Variants in CYYR1 observed in about 807,000 individuals in gnomAD.
CYYR1 encodes cysteine and tyrosine-rich protein 1.
CYYR1 carries 14 observed loss-of-function variants against 15.2 expected under a neutral mutation model. The ratio of observed to expected loss-of-function variants is 0.92; its 90% CI spans 0.61 to 1.44. The LOEUF (loss-of-function observed/expected upper bound fraction) is 1.44. CYYR1 is among the 40% of genes most tolerant of loss of function. The probability of loss-of-function intolerance (pLI) is 0.00; values close to 1 mark genes in which losing one functional copy is unlikely to be tolerated. For synonymous variants in CYYR1, 80 were observed against 77.4 expected (o/e 1.03, Z -0.18); for missense variants, 228 against 209.5 (o/e 1.09, Z -0.54).
rs2064988955 is a variant in CYYR1 at position 26,467,967 on chromosome 21, C to G, written c.*534G>C. On this transcript the variant is annotated 3_prime_UTR_variant, in exon 4 of 4. Transcript: ENST00000652641. ...GTCATTGCTCTTTCTTGTACTAAAA[C>G]CAGAGTACCCGTCCTGTAACTTCCA... The G allele has an allele frequency of 6.1e-6, 1 of 163,198 alleles. No individual in the cohort carries two copies. Among genetic ancestry groups the G allele is most frequent in the Non-Finnish European group, 1.4e-5 (1 of 73,776 alleles). The allele number at this position is 163,198 out of a possible 1,614,324, so 10.1% of individuals were successfully genotyped here.
chr21:26,524,383 T>C (rs1320311413), intron 2 of CYYR1, among the ~76,000 whole-genome samples: 1 of 152,234 alleles, frequency 6.6e-6, no homozygotes, highest in Non-Finnish European at 1.5e-5. Flanking sequence ...TTGGATTAAA[T>C]TGCTTACATT....
chr21:26,572,857 C>T lies in CYYR1; in HGVS notation c.73+11G>A. 6.2e-7 allele frequency: 1 copy of T among 1,613,522 alleles called. No homozygotes were observed. The highest frequency in any genetic ancestry group is 8.5e-7 in the Non-Finnish European group (1 of 1,179,806). On this transcript the variant is annotated intron_variant, in intron 1 of 3. Coordinates refer to ENST00000652641, the MANE Select transcript of CYYR1 (RefSeq NM_001320768.2). ...AGCCTCTGACCCTCTCCGCCGCCCT[C>T]CGTCACTGACCTGCGTAGACAAAGA...
intron 2 of CYYR1, 70 bp from the exon 3 acceptor site, chr21:26,480,499 C>G: frequency 6.9e-7 from 1 of 1,442,958 alleles, no homozygotes; most frequent in African/African-American, 1.4e-5. Flanking sequence ...AGTAGAGCTC[C>G]ATGATTATAG....
At chr21:26,505,830 C>T (rs954106969) in intron 2 of CYYR1, among the ~76,000 whole-genome samples, 33 of 152,210 alleles carry the variant, frequency 2.2e-4, no homozygotes, top group African/African-American at 3.6e-4. Flanking sequence ...TAATGCTTTT[C>T]GTAAGCGCGA....
intron 2 of CYYR1, chr21:26,550,575 A>T (rs370784470): frequency 2.6e-5 from 4 of 152,212 alleles, no homozygotes; most frequent in African/African-American, 7.2e-5. Flanking sequence ...TCCAGTGAAC[A>T]CATGAATGAT....
chr21:26,489,726 T>C (rs2065300573), intron 2 of CYYR1, among the ~76,000 whole-genome samples: 1 of 152,120 alleles, frequency 6.6e-6, no homozygotes, highest in South Asian at 2.1e-4. Context: ...CAGAAGTTTC[T>C]AGAACATTTT....
At chr21:26,510,605 A>G (rs2065633994) in intron 2 of CYYR1, among the ~76,000 whole-genome samples, 1 of 152,218 alleles carries the variant, frequency 6.6e-6, no homozygotes. Flanking sequence ...ATTCATGTGT[A>G]TTTAGCACAA....
At position 26,474,992 on chromosome 21, in the gene CYYR1, C is replaced by A. The variant is rs185330446; in HGVS notation, c.334+5280G>T. ...TCTCCTTCTCCATTGCCTGGCAGAA[C>A]CCCAACCCTTATTAAACCCAACACT... is the stretch of plus-strand genomic sequence containing the variant. On this transcript the variant is annotated intron_variant, in intron 3 of 3. Coordinates refer to ENST00000652641, the MANE Select transcript of CYYR1 (RefSeq NM_001320768.2). Among the ~76,000 whole-genome samples the A allele has an allele frequency of 3.0e-3, 464 of 152,280 alleles. 3 individuals are homozygous for A. The highest frequency in any genetic ancestry group is 4.2e-3 in the Non-Finnish European group (285 of 68,016).
chr21:26,537,188 G>A (rs7278193), intron 2 of CYYR1, among the ~76,000 whole-genome samples: 243 of 152,250 alleles, frequency 1.6e-3, no homozygotes, highest in African/African-American at 5.2e-3. Context: ...CATATGCAGG[G>A]ACTCGGAGAC....
chr21:26,561,526 C>T (rs1446283321), intron 2 of CYYR1, among the ~76,000 whole-genome samples: 1 of 152,174 alleles, frequency 6.6e-6, no homozygotes, highest in Non-Finnish European at 1.5e-5. Flanking sequence ...TATTTATTAG[C>T]TGTCTTTGCC....
At chr21:26,556,375 C>T (rs981762070) in intron 2 of CYYR1, among the ~76,000 whole-genome samples, 37 of 152,062 alleles carry the variant, frequency 2.4e-4, no homozygotes, top group African/African-American at 7.5e-4. Context: ...ACTAGCTTCT[C>T]GTCCTCTTAG....
chr21:26,478,062 G>A (rs1448078571), intron 3 of CYYR1: 2 of 1,549,252 alleles, frequency 1.3e-6, no homozygotes, highest in Non-Finnish European at 1.7e-6. Flanking sequence ...TTATGTACCA[G>A]GCCTGGTCTT....
At chr21:26,507,837 ATC>A in intron 2 of CYYR1, among the ~76,000 whole-genome samples, 1 of 152,334 alleles carries the variant, frequency 6.6e-6, no homozygotes, top group South Asian at 2.1e-4. Flanking sequence ...CAGATATGAC[ATC>A]CTCCCAATTA....
intron 2 of CYYR1, among the ~76,000 whole-genome samples, chr21:26,483,882 T>G (rs1371953030): frequency 6.6e-6 from 1 of 152,106 alleles, no homozygotes; most frequent in African/African-American, 2.4e-5. Context: ...AAGGTCAGTT[T>G]GGTGCTCATT....
Position 26,506,187 on chromosome 21 carries a change from T to C in CYYR1, c.177-25758A>G, listed in dbSNP as rs1042146359. Reference sequence around the variant, plus strand: ...TCTAGAAAAGGGGCCCTTGGGAAATTTGAAGTCCTCTTTCTTTTCCCTAGC... The same window carrying C: ...TCTAGAAAAGGGGCCCTTGGGAAATCTGAAGTCCTCTTTCTTTTCCCTAGC... On this transcript the variant is annotated intron_variant, in intron 2 of 3. Coordinates refer to ENST00000652641, the MANE Select transcript of CYYR1 (RefSeq NM_001320768.2). Among the ~76,000 whole-genome samples, 4 of 152,102 alleles carry C rather than the reference T, an allele frequency of 2.6e-5. No homozygotes were observed. The East Asian group carries it at 5.8e-4, about 22-fold the overall frequency.
At chr21:26,493,840 A>T (rs1326282091) in intron 2 of CYYR1, among the ~76,000 whole-genome samples, 2 of 152,162 alleles carry the variant, frequency 1.3e-5, no homozygotes, top group Non-Finnish European at 2.9e-5. Flanking sequence ...CCAAAGATGA[A>T]CATGTTTATA....
chr21:26,478,124 G>A (rs1322944066), intron 3 of CYYR1: 1 of 1,549,390 alleles, frequency 6.5e-7, no homozygotes, highest in East Asian at 2.4e-5. Flanking sequence ...TCTGCCTCAT[G>A]GAGTTCATAT....
intron 2 of CYYR1, chr21:26,550,282 T>C (rs1979293045): frequency 1.3e-5 from 2 of 152,182 alleles, no homozygotes; most frequent in Admixed American, 6.5e-5. Context: ...CACTGCTCCA[T>C]TGACCAGCTG....
At chr21:26,538,547 C>G (rs1173122792) in intron 2 of CYYR1, among the ~76,000 whole-genome samples, 1 of 152,030 alleles carries the variant, frequency 6.6e-6, no homozygotes, top group Non-Finnish European at 1.5e-5. Flanking sequence ...TTTTGCCACT[C>G]TTTTTTCTTT....
Sources: gnomAD v4.1 joint callset for allele counts (sites outside exome capture counted in the v4.1 genomes callset) on GRCh38, gnomAD v4.1.1 for gene constraint, MANE v1.5 for transcripts, NCBI Gene and HGNC (gene_info 2026-07-23, HGNC 2026-07-21) for gene names.